Variants in MCHR2 observed in about 807,000 individuals in gnomAD.
MCHR2 encodes the protein melanin concentrating hormone receptor 2.
MCHR2 carries 15 observed loss-of-function variants against 24.8 expected under a neutral mutation model. That is an observed-to-expected ratio of 0.60 (90% CI 0.40 to 0.93). MCHR2 has a LOEUF of 0.93. Ranked by LOEUF, MCHR2 falls within the 40% of genes least tolerant of loss-of-function variation. The probability of loss-of-function intolerance (pLI) is 0.00; values close to 1 mark genes in which losing one functional copy is unlikely to be tolerated. For synonymous variants in MCHR2, 151 were observed against 147.6 expected, an observed-to-expected ratio of 1.02 and a Z score of -0.17; for missense variants, 386 against 408.7, an observed-to-expected ratio of 0.94 and a Z score of 0.48.
intron 4 of MCHR2, among the ~76,000 whole-genome samples, chr6:99,935,539 T>G (rs1348055295): frequency 1.3e-5 from 2 of 151,956 alleles, no homozygotes; most frequent in Non-Finnish European, 2.9e-5. Flanking sequence ...AATGACAGGA[T>G]TTTGTTGTTT....
chr6:99,930,910 G>A (rs1024050484), intron 5 of MCHR2, among the ~76,000 whole-genome samples: 1 of 152,170 alleles, frequency 6.6e-6, no homozygotes, highest in Non-Finnish European at 1.5e-5. Context: ...GTGGAGGAGA[G>A]GCGCTCTGCT....
intron 1 of MCHR2, among the ~76,000 whole-genome samples, chr6:99,980,655 T>A (rs1775651066): frequency 6.6e-6 from 1 of 152,094 alleles, no homozygotes; most frequent in Non-Finnish European, 1.5e-5. Context: ...AGATATAACC[T>A]TTCCAACGAC....
chr6:99,920,943 A>T lies in MCHR2; in HGVS notation c.1020T>A (p.Phe340Leu), dbSNP rs148253635. 10 of 1,613,706 alleles carry T rather than the reference A, an allele frequency of 6.2e-6. No individual in the cohort carries two copies. The African/African-American group carries it at 1.1e-4, about 17-fold the overall frequency. The change falls in exon 6 of 6, where the codon TTT (phenylalanine) becomes TTA (leucine). Residue 340 changes from phenylalanine (F) to leucine (L), a missense_variant. By Grantham distance (22) the Phe-to-Leu change is conservative. Coordinates refer to ENST00000281806, the MANE Select transcript of MCHR2 (RefSeq NM_001040179.2). ...NNMGNTLKSH[F>L] ...TCATGGTGATCCATGTACTTTCCTA[A>T]AAGTGTGATTTCAGAGTGTTTCCCA...
chr6:99,927,764 C>A (rs540002001), intron 5 of MCHR2, among the ~76,000 whole-genome samples: 2 of 152,100 alleles, frequency 1.3e-5, no homozygotes, highest in Admixed American at 6.6e-5. Context: ...TCTAGATATA[C>A]AATCATGTCA....
chr6:99,992,268 G>C (rs1775897476), intron 1 of MCHR2, among the ~76,000 whole-genome samples: 1 of 152,234 alleles, frequency 6.6e-6, no homozygotes, highest in African/African-American at 2.4e-5. Context: ...GGCATCCAAA[G>C]GTCCTGTGAA....
chr6:99,963,435 T>C (rs1215556578), intron 1 of MCHR2, among the ~76,000 whole-genome samples: 3 of 152,136 alleles, frequency 2.0e-5, no homozygotes, highest in Non-Finnish European at 2.9e-5. Context: ...ATGATTTCAT[T>C]TGCATGAAGT....
At chr6:99,926,111 T>C (rs1204204031) in intron 5 of MCHR2, among the ~76,000 whole-genome samples, 6 of 152,110 alleles carry the variant, frequency 3.9e-5, no homozygotes, top group Admixed American at 3.9e-4. Context: ...TGCGATAGTT[T>C]ACTGAGAATG....
At chr6:99,983,373 G>A (rs1775709598) in intron 1 of MCHR2, among the ~76,000 whole-genome samples, 1 of 152,118 alleles carries the variant, frequency 6.6e-6, no homozygotes, top group African/African-American at 2.4e-5. Context: ...GTAGAATTAG[G>A]TCTCAAAAAG....
intron 2 of MCHR2, among the ~76,000 whole-genome samples, chr6:99,952,757 AT>A (rs1201070889): frequency 1.3e-5 from 2 of 152,168 alleles, no homozygotes; most frequent in African/African-American, 4.8e-5. Context: ...AGATTAATAC[AT>A]TTTTGGAGAG....
At chr6:99,993,088 G>A (rs1775915851) in intron 1 of MCHR2, among the ~76,000 whole-genome samples, 1 of 152,206 alleles carries the variant, frequency 6.6e-6, no homozygotes, top group Admixed American at 6.5e-5. Flanking sequence ...AAGATTTTGT[G>A]TTCATGCCTG....
At chr6:99,982,160 T>G (rs1452485461) in intron 1 of MCHR2, among the ~76,000 whole-genome samples, 1 of 152,072 alleles carries the variant, frequency 6.6e-6, no homozygotes, top group Non-Finnish European at 1.5e-5. Context: ...TCATTACTTC[T>G]CACTGCAGTT....
chr6:99,970,488 A>G (rs1350404158), intron 1 of MCHR2, among the ~76,000 whole-genome samples: 1 of 152,034 alleles, frequency 6.6e-6, no homozygotes, highest in Non-Finnish European at 1.5e-5. Flanking sequence ...TAGGGTGCGA[A>G]AATTTTCTCC....
At chr6:99,954,774 T>C (rs1775027711) in intron 2 of MCHR2, among the ~76,000 whole-genome samples, 1 of 152,306 alleles carries the variant, frequency 6.6e-6, no homozygotes, top group Admixed American at 6.5e-5. Context: ...ACCACAGATG[T>C]CCACATGGGT....
At chr6:99,925,604 A>G (rs1167464057) in intron 5 of MCHR2, among the ~76,000 whole-genome samples, 1 of 151,948 alleles carries the variant, frequency 6.6e-6, no homozygotes, top group East Asian at 1.9e-4. Context: ...TCTTACAAAT[A>G]CTATCTTATA....
rs142303459 is a variant in MCHR2, at chr6:99,973,742, G to T, written c.-27-17568C>A. On this transcript the variant is annotated intron_variant, in intron 1 of 5. Transcript: ENST00000281806. Reference sequence around the variant, plus strand: ...TTTAGTGCTTCCTTCAGGAGCTCTTGTAGGGCAGGCCTGGTGGTGACAAAA... The same window carrying T: ...TTTAGTGCTTCCTTCAGGAGCTCTTTTAGGGCAGGCCTGGTGGTGACAAAA... Among the ~76,000 whole-genome samples, 198 of 152,252 alleles carry T rather than the reference G, an allele frequency of 1.3e-3. 1 individual carries two copies. The highest frequency in any genetic ancestry group is 3.1e-3 in the South Asian group (15 of 4,826).
intron 5 of MCHR2, among the ~76,000 whole-genome samples, chr6:99,923,155 A>G (rs1344340660): frequency 2.0e-5 from 3 of 152,030 alleles, no homozygotes; most frequent in Non-Finnish European, 4.4e-5. Context: ...GCTATTATCA[A>G]TGGGCTTACT....
chr6:99,958,601 C>G (rs1232117571), intron 1 of MCHR2, among the ~76,000 whole-genome samples: 1 of 152,158 alleles, frequency 6.6e-6, no homozygotes, highest in Admixed American at 6.6e-5. Context: ...CTCAGACCCT[C>G]TTTCTCCCAT....
Position 99,947,991 on chromosome 6 carries a change from C to G in MCHR2, c.183-20G>C. ...CTGGATCTGAAAGAGATAGAGGAAACTGAGGATTGACATTGAATGTATACA... is the reference window on the plus strand; with the variant it reads ...CTGGATCTGAAAGAGATAGAGGAAAGTGAGGATTGACATTGAATGTATACA... On this transcript the variant is annotated intron_variant, in intron 2 of 5. Coordinates refer to ENST00000281806, the MANE Select transcript of MCHR2 (RefSeq NM_001040179.2). The G allele has an allele frequency of 6.2e-7, 1 of 1,601,116 alleles. No individual in the cohort carries two copies. The highest frequency in any genetic ancestry group is 8.5e-7 in the Non-Finnish European group (1 of 1,169,966).
chr6:99,981,926 C>A (rs11755715), intron 1 of MCHR2, among the ~76,000 whole-genome samples: 3 of 152,096 alleles, frequency 2.0e-5, no homozygotes, highest in Non-Finnish European at 4.4e-5. Context: ...AAACTGCTAG[C>A]GACTGTAAAC....
Sources: allele counts gnomAD v4.1 joint callset (sites outside exome capture counted in the v4.1 genomes callset), GRCh38; gene constraint gnomAD v4.1.1; transcripts MANE v1.5; gene names NCBI Gene and HGNC (gene_info 2026-07-23, HGNC 2026-07-21).